The following AKAP6 variants were observed in gnomAD, a reference collection of about 807,000 sequenced individuals.
AKAP6 encodes A-kinase anchor protein 6.
Under a neutral mutation model 188.5 loss-of-function variants are expected in AKAP6, and 58 were observed. The ratio of observed to expected loss-of-function variants is 0.31; its 90% confidence interval spans 0.25 to 0.38. The LOEUF (loss-of-function observed/expected upper bound fraction) is 0.38, where lower values mean the gene tolerates loss of function less well. Among genes scored for constraint, AKAP6 ranks in the 10% least tolerant of loss-of-function variants. The pLI is 1.00. For missense variants in AKAP6, 2,710 were observed against 2,740.0 expected (o/e 0.99, Z 0.24); for synonymous variants, 989 against 998.6 (o/e 0.99, Z 0.18).
intron 8 of AKAP6, among the ~76,000 whole-genome samples, chr14:32,682,854 G>A (rs1213153616): frequency 6.6e-6 from 1 of 152,166 alleles, no homozygotes; most frequent in Admixed American, 6.5e-5. Flanking sequence ...ACCACCAGCA[G>A]CAGTATCTCC....
At chr14:32,377,310 C>A (rs1004138929) in intron 1 of AKAP6, among the ~76,000 whole-genome samples, 3 of 152,160 alleles carry the variant, frequency 2.0e-5, no homozygotes, top group Middle Eastern at 3.2e-3. Flanking sequence ...AACTGTGAGG[C>A]CTTATATGGA....
intron 1 of AKAP6, among the ~76,000 whole-genome samples, chr14:32,331,436 G>C (rs892873707): frequency 2.6e-5 from 4 of 151,980 alleles, no homozygotes; most frequent in African/African-American, 9.7e-5. Flanking sequence ...CATCCTCCCG[G>C]TTCAGACAAC....
chr14:32,503,022 T>G (rs1487463561), intron 2 of AKAP6, among the ~76,000 whole-genome samples: 1 of 152,176 alleles, frequency 6.6e-6, no homozygotes. Flanking sequence ...CAAACTGCTT[T>G]CCACAGTGGT....
intron 12 of AKAP6, among the ~76,000 whole-genome samples, chr14:32,778,282 TTA>T (rs1159406619): frequency 6.6e-6 from 1 of 152,136 alleles, no homozygotes; most frequent in Non-Finnish European, 1.5e-5. Flanking sequence ...ACTATGTGGG[TTA>T]CTATGAAATT....
rs563981061 is a variant in AKAP6 at position 32,634,880 on chromosome 14, C to CT, written c.2730+34097dup. ...CTTGTACTGGGATTAGTTTTCTTTT[C>CT]TTTTTTTTTAATTTTTAATTTTTTT... On this transcript the variant is annotated intron_variant, in intron 7 of 13. Transcript: ENST00000280979. Among the ~76,000 whole-genome samples the CT allele has an allele frequency of 2.9e-3, 432 of 150,828 alleles. 4 individuals carry two copies. The highest frequency in any genetic ancestry group is 5.0e-3 in the Non-Finnish European group (336 of 67,550).
intron 12 of AKAP6, among the ~76,000 whole-genome samples, chr14:32,813,411 C>G (rs1256477456): frequency 2.5e-5 from 3 of 120,298 alleles, no homozygotes; most frequent in African/African-American, 8.9e-5. Context: ...AACCCCTTTC[C>G]CAGAGGTCCT....
intron 3 of AKAP6, among the ~76,000 whole-genome samples, chr14:32,540,164 C>CTATATATATATATATA (rs1212391189): frequency 2.1e-5 from 2 of 97,480 alleles, no homozygotes; most frequent in African/African-American, 1.1e-4. Flanking sequence ...CTCTCTCTCT[C>CTATATATATATATATA]TCTCTATATA....
At chr14:32,701,915 A>G (rs1467688948) in intron 9 of AKAP6, among the ~76,000 whole-genome samples, 1 of 152,174 alleles carries the variant, frequency 6.6e-6, no homozygotes, top group Non-Finnish European at 1.5e-5. Context: ...AACTTTTTAA[A>G]AAAAAATTCA....
At chr14:32,721,464 A>T (rs1329973585) in intron 9 of AKAP6, among the ~76,000 whole-genome samples, 2 of 152,198 alleles carry the variant, frequency 1.3e-5, no homozygotes, top group African/African-American at 4.8e-5. Context: ...TAACCACATA[A>T]ATTCTATAGT....
intron 11 of AKAP6, among the ~76,000 whole-genome samples, chr14:32,757,705 A>G (rs1294620821): frequency 2.6e-5 from 4 of 152,190 alleles, no homozygotes; most frequent in East Asian, 1.9e-4. Flanking sequence ...GTCCTCTTCC[A>G]AGGAACACAC....
At chr14:32,397,711 A>G (rs1888927025) in intron 1 of AKAP6, among the ~76,000 whole-genome samples, 1 of 152,204 alleles carries the variant, frequency 6.6e-6, no homozygotes, top group African/African-American at 2.4e-5. Flanking sequence ...CACTGGAAAG[A>G]AAGCACTATT....
At chr14:32,349,156 T>C (rs1237517554) in intron 1 of AKAP6, among the ~76,000 whole-genome samples, 2 of 152,242 alleles carry the variant, frequency 1.3e-5, no homozygotes, top group Non-Finnish European at 2.9e-5. Flanking sequence ...TGTAGGGCAA[T>C]GGCCATTTCC....
chr14:32,681,574 G>A (rs148172583), intron 8 of AKAP6, among the ~76,000 whole-genome samples: 1,693 of 152,234 alleles, frequency 0.011, 20 homozygotes, highest in South Asian at 0.055. Context: ...TGGAGAAATG[G>A]AAGTCTTAAG....
intron 2 of AKAP6, among the ~76,000 whole-genome samples, chr14:32,525,455 G>A (rs922080679): frequency 1.3e-5 from 2 of 152,180 alleles, no homozygotes; most frequent in African/African-American, 4.8e-5. Context: ...TCAGTTGAAG[G>A]CAGAGGAGAC....
Position 32,773,809 on chromosome 14 carries a change from A to G in AKAP6, c.3504A>G (p.Val1168=). 1 of 1,614,144 alleles carries G rather than the reference A, an allele frequency of 6.2e-7. No homozygotes were observed. Among genetic ancestry groups the G allele is most frequent in the South Asian group, 1.1e-5 (1 of 91,082 alleles). The part of the protein sequence containing the change: ...ADHQPMQLII[V]NLERRWEAIV... The stretch of plus-strand genomic sequence containing the variant: ...ACCAGCCCATGCAGCTGATCATTGT[A>G]AATCTTGAAAGAAGGTGGGAAGCCA... The change falls in exon 12 of 14, where the codon GTA becomes GTG. Residue 1168 remains valine (V), a synonymous_variant. Transcript: ENST00000280979.
intron 7 of AKAP6, among the ~76,000 whole-genome samples, chr14:32,636,201 A>G (rs1264771604): frequency 6.6e-6 from 1 of 152,166 alleles, no homozygotes; most frequent in Non-Finnish European, 1.5e-5. Context: ...AAACATCTAT[A>G]CATATACAAC....
intron 12 of AKAP6, among the ~76,000 whole-genome samples, chr14:32,780,524 G>A (rs1207200593): frequency 1.3e-5 from 2 of 152,030 alleles, no homozygotes; most frequent in African/African-American, 4.8e-5. Flanking sequence ...ACATCATGTC[G>A]TACACAATAT....
chr14:32,410,539 G>A (rs1889447598), intron 1 of AKAP6, among the ~76,000 whole-genome samples: 1 of 152,078 alleles, frequency 6.6e-6, no homozygotes, highest in Non-Finnish European at 1.5e-5. Context: ...CAGGTCCTCC[G>A]GAGGGCTGTG....
At chr14:32,757,129 A>C (rs2032366642) in intron 11 of AKAP6, among the ~76,000 whole-genome samples, 1 of 152,146 alleles carries the variant, frequency 6.6e-6, no homozygotes, top group Non-Finnish European at 1.5e-5. Context: ...AAGGAGAGAC[A>C]GCTATAATGT....
Sources: gnomAD v4.1 joint callset for allele counts (sites outside exome capture counted in the v4.1 genomes callset) on GRCh38, gnomAD v4.1.1 for gene constraint, MANE v1.5 for transcripts, NCBI Gene and HGNC (gene_info 2026-07-23, HGNC 2026-07-21) for gene names.